Variants in HPSE observed in about 807,000 individuals in gnomAD.
The protein encoded by HPSE is heparanase, also known as endo-glucoronidase.
Under a neutral mutation model 65.1 loss-of-function variants are expected in HPSE, and 48 were observed. The ratio of observed to expected loss-of-function variants is 0.74; its 90% CI spans 0.58 to 0.94. The LOEUF is 0.94. Ranked by LOEUF, HPSE falls within the 40% of genes least tolerant of loss-of-function variation. HPSE has a pLI of 0.00. For synonymous variants in HPSE, 243 were observed against 260.0 expected (o/e 0.93, Z 0.63); for missense variants, 644 against 637.5 (o/e 1.01, Z -0.11).
intron 8 of HPSE, among the ~76,000 whole-genome samples, chr4:83,307,539 C>T (rs985871407): frequency 1.6e-4 from 24 of 152,124 alleles, no homozygotes; most frequent in Non-Finnish European, 3.1e-4. Flanking sequence ...ATAGACAATT[C>T]CTGGTCCTAT....
intron 4 of HPSE, among the ~76,000 whole-genome samples, chr4:83,311,196 C>T (rs948803368): frequency 4.0e-5 from 6 of 151,880 alleles, no homozygotes; most frequent in African/African-American, 1.5e-4. Context: ...GTAGTCTCAG[C>T]TTGGGAGGCT....
rs1736258146 is a variant in HPSE, at chr4:83,308,947, A to G, written c.989T>C (p.Val330Ala). The G allele has an allele frequency of 6.8e-6, 11 of 1,613,770 alleles. No homozygotes were observed. Among genetic ancestry groups the G allele is most frequent in the Middle Eastern group, 1.6e-4 (1 of 6,062 alleles). The change falls in exon 8 of 12, where the codon GTT (valine) becomes GCT (alanine). Residue 330 changes from valine (V) to alanine (A), a missense_variant. Physicochemically the swap from Val to Ala is moderately conservative, Grantham distance 64. Transcript: ENST00000311412. ...CTTCTTGCCAGGCCTGGTGCTCTCA[A>G]CCACCTATAGAACAGAAAAGTATCC... ...ISSVQKVFQV[V>A]ESTRPGKKVW...
At chr4:83,313,934 A>G (rs1340823508) in intron 3 of HPSE, among the ~76,000 whole-genome samples, 1 of 152,178 alleles carries the variant, frequency 6.6e-6, no homozygotes, top group African/African-American at 2.4e-5. Context: ...TGTTTAGTGT[A>G]TGTCCTATGT....
chr4:83,298,491 C>T (rs1273995195), intron 11 of HPSE, among the ~76,000 whole-genome samples: 19 of 149,468 alleles, frequency 1.3e-4, no homozygotes, highest in Admixed American at 1.3e-3. Flanking sequence ...TAAAAAAAAA[C>T]AGATGTTCAT....
At position 83,313,171 on chromosome 4, in the gene HPSE, A is replaced by T; in HGVS notation, c.616T>A (p.Leu206Met). Residue 206 changes from leucine to methionine, a missense_variant, in exon 4 of 12, where the codon TTG becomes ATG. Coordinates refer to ENST00000311412, the MANE Select transcript of HPSE (RefSeq NM_001098540.3). ...TTGGAAGAGCAGTAGTCCAGGAGCAACTGAGCATTAGAACTGTTCCACTGC... is the reference window on the plus strand; with the variant it reads ...TTGGAAGAGCAGTAGTCCAGGAGCATCTGAGCATTAGAACTGTTCCACTGC... ...DLQWNSSNAQ[L>M]LLDYCSSKGY... The T allele has an allele frequency of 6.2e-7, 1 of 1,614,056 alleles. No homozygotes were observed. The highest frequency in any genetic ancestry group is 8.5e-7 in the Non-Finnish European group (1 of 1,179,896).
intron 6 of HPSE, among the ~76,000 whole-genome samples, chr4:83,309,721 C>A (rs925216761): frequency 6.6e-6 from 1 of 152,102 alleles, no homozygotes; most frequent in Non-Finnish European, 1.5e-5. Context: ...AACACAGTGG[C>A]AAGTACATGT....
Position 83,310,802 on chromosome 4 carries a change from T to C in HPSE, c.762A>G (p.Arg254=), listed in dbSNP as rs370635319. The C allele has an allele frequency of 1.8e-5, 29 of 1,614,176 alleles. No homozygotes were observed. In the South Asian group the frequency reaches 2.9e-4, roughly 16 times the overall value. The part of the protein sequence containing the change: ...EDFIQLHKLL[R]KSTFKNAKLY... ...GTTTTGCATTTTTGAAGGTGGACTT[T>C]CTTAGAAGTTTATGCAATTGAATAA... The change falls in exon 5 of 12, where the codon AGA becomes AGG. Residue 254 remains arginine (R), a synonymous_variant. Coordinates refer to ENST00000311412, the MANE Select transcript of HPSE (RefSeq NM_001098540.3).
intron 11 of HPSE, among the ~76,000 whole-genome samples, chr4:83,296,767 GAACACTTAT>G (rs1735739610): frequency 6.6e-6 from 1 of 151,334 alleles, no homozygotes; most frequent in South Asian, 2.1e-4. Context: ...AAAGTATGTA[GAACACTTAT>G]AACAGTGTCT....
At chr4:83,322,789 T>TTGTGTGTGTG (rs386400677) in intron 1 of HPSE, among the ~76,000 whole-genome samples, 50 of 104,048 alleles carry the variant, frequency 4.8e-4, no homozygotes, top group Admixed American at 2.8e-3. Flanking sequence ...AAGAGCTTGT[T>TTGTGTGTGTG]TGTGTGTGTG....
intron 11 of HPSE, among the ~76,000 whole-genome samples, chr4:83,295,893 A>C (rs1378502500): frequency 2.6e-5 from 4 of 152,226 alleles, no homozygotes; most frequent in Non-Finnish European, 4.4e-5. Flanking sequence ...TATGTAAAGA[A>C]AATAGATATA....
chr4:83,313,729 G>T (rs1736514618), intron 3 of HPSE, among the ~76,000 whole-genome samples: 1 of 152,040 alleles, frequency 6.6e-6, no homozygotes, highest in Admixed American at 6.5e-5. Flanking sequence ...AAAAATTCCT[G>T]TTATGATTTA....
chr4:83,295,306 CT>C lies in HPSE; in HGVS notation c.*37del, dbSNP rs756023219. The C allele has an allele frequency of 1.3e-6, 2 of 1,550,354 alleles. No individual in the cohort carries two copies. The highest frequency in any genetic ancestry group is 1.8e-6 in the Non-Finnish European group (2 of 1,141,658). ...CTTGAGTTGCTTTACTCTTAGTATA[CT>C]TGAAAAATTCAGTGTCAGGACTAGT... On this transcript the variant is annotated 3_prime_UTR_variant, in exon 12 of 12. Coordinates refer to ENST00000311412, the MANE Select transcript of HPSE (RefSeq NM_001098540.3).
chr4:83,334,540 G>T lies in HPSE; in HGVS notation c.227+16C>A. On this transcript the variant is annotated intron_variant, in intron 1 of 11. Transcript: ENST00000311412. ...GAGGACAGGAAAGGGGACAGGACCA[G>T]GAGGCTGGCGCTTACCCCAGGAGGA... 6.4e-7 allele frequency: 1 copy of T among 1,563,428 alleles called. No homozygotes were observed. The highest frequency in any genetic ancestry group is 2.4e-5 in the East Asian group (1 of 42,076).
chr4:83,300,990 C>T lies in HPSE; in HGVS notation c.1442G>A (p.Arg481Lys). Residue 481 changes from arginine to lysine, a missense_variant, in exon 11 of 12, where the codon AGA becomes AAA. Transcript: ENST00000311412. ...AAGTAATCCATGAGGTCCCAAAGGT[C>T]TTAGAAGGTATTTATCCACTTGCTT... ...SNKQVDKYLLRPLGPHGLLSK... is the reference protein window; with the variant it reads ...SNKQVDKYLLKPLGPHGLLSK... 1 of 1,607,630 alleles carries T rather than the reference C, an allele frequency of 6.2e-7. No homozygotes were observed.
At chr4:83,324,113 C>CTTCTT (rs1553920837) in intron 1 of HPSE, among the ~76,000 whole-genome samples, 7 of 74,754 alleles carry the variant, frequency 9.4e-5, no homozygotes, top group Admixed American at 5.9e-4. Flanking sequence ...TCTTCTTCTT[C>CTTCTT]TTTTTTTTTT....
At chr4:83,334,966 C>T, upstream of HPSE, 3 of 949,184 alleles carry the variant, frequency 3.2e-6, no homozygotes, top group Non-Finnish European at 3.0e-6. Context: ...CCCACTGCTC[C>T]CAATCCAACC....
chr4:83,305,412 A>G (rs1323154717), intron 9 of HPSE, among the ~76,000 whole-genome samples: 1 of 152,226 alleles, frequency 6.6e-6, no homozygotes, highest in Admixed American at 6.5e-5. Context: ...ATAAAAAGCA[A>G]TTTTGTTGGG....
At chr4:83,331,645 T>C (rs1228409924) in intron 1 of HPSE, among the ~76,000 whole-genome samples, 1 of 152,216 alleles carries the variant, frequency 6.6e-6, no homozygotes, top group Admixed American at 6.5e-5. Flanking sequence ...TATTTAAGTT[T>C]TGTGTGGAGT....
rs1368945973 is a variant in HPSE, at chr4:83,310,150, AT to A, written c.843-73del. 10 of 1,030,236 alleles carry A rather than the reference AT, an allele frequency of 9.7e-6. No homozygotes were observed. In the African/African-American group the frequency reaches 1.1e-4, roughly 12 times the overall value. The allele number at this position is 1,030,236 out of a possible 1,614,324, so 63.8% of individuals were successfully genotyped here. A position where few individuals can be genotyped will look rare whatever the true frequency, so the allele number is the denominator to read the frequency against. ...TGCACAATATACGCATGAGAGTTTT[AT>A]TCCCTAGAAATGGGCTGGTTACTGC... On this transcript the variant is annotated intron_variant, in intron 5 of 11. Transcript: ENST00000311412.
Sources: allele counts gnomAD v4.1 joint callset (sites outside exome capture counted in the v4.1 genomes callset), GRCh38; gene constraint gnomAD v4.1.1; transcripts MANE v1.5; gene names NCBI Gene and HGNC (gene_info 2026-07-23, HGNC 2026-07-21).